The following SUGCT variants were observed in gnomAD, a reference collection of about 807,000 sequenced individuals.
SUGCT encodes succinyl-CoA:glutarate CoA-transferase.
SUGCT carries 41 observed loss-of-function variants against 55.0 expected under a neutral mutation model. The ratio of observed to expected loss-of-function variants is 0.74; its 90% CI spans 0.58 to 0.97. The LOEUF (loss-of-function observed/expected upper bound fraction) is 0.97, where lower values mean the gene tolerates loss of function less well. Ranked by LOEUF, SUGCT falls within the 50% of genes least tolerant of loss-of-function variation. The probability of loss-of-function intolerance (pLI) is 0.00; values close to 1 mark genes in which losing one functional copy is unlikely to be tolerated. For missense variants in SUGCT, 568 were observed against 547.8 expected, an observed-to-expected ratio of 1.04 and a Z score of -0.37; for synonymous variants, 187 against 200.4, an observed-to-expected ratio of 0.93 and a Z score of 0.56.
Position 40,729,818 on chromosome 7 carries a change from A to G in SUGCT, c.1090-19616A>G, listed in dbSNP as rs139146251. 6.1e-3 allele frequency among the ~76,000 whole-genome samples: 924 copies of G among 152,294 alleles called. 7 individuals are homozygous for G. The highest frequency in any genetic ancestry group is 9.8e-3 in the Non-Finnish European group (669 of 68,026). ...GAAAACACACGCCACTGCTAAAGAGAAGAGCTGCCTCTCAGCTCATGTAGG... is the reference window on the plus strand; with the variant it reads ...GAAAACACACGCCACTGCTAAAGAGGAGAGCTGCCTCTCAGCTCATGTAGG... On this transcript the variant is annotated intron_variant, in intron 12 of 13. Coordinates refer to ENST00000335693, the MANE Select transcript of SUGCT (RefSeq NM_001193313.2).
chr7:40,961,668 C>T, the SUGCT span, among the ~76,000 whole-genome samples: 1 of 152,080 alleles, frequency 6.6e-6, no homozygotes, highest in Non-Finnish European at 1.5e-5. Flanking sequence ...TGGTGAGTGT[C>T]ACAGTTCTTA....
the SUGCT span, among the ~76,000 whole-genome samples, chr7:41,014,857 C>T: frequency 6.6e-6 from 1 of 152,112 alleles, no homozygotes; most frequent in Admixed American, 6.5e-5. Flanking sequence ...AGGGGCCTGA[C>T]ATAGCATTTA....
chr7:40,292,035 G>C (rs1287133229), intron 8 of SUGCT, among the ~76,000 whole-genome samples: 1 of 152,172 alleles, frequency 6.6e-6, no homozygotes. Context: ...TGTCTTGTTA[G>C]AAGCCACTAA....
chr7:40,414,182 T>C (rs1786841596), intron 9 of SUGCT, among the ~76,000 whole-genome samples: 1 of 152,212 alleles, frequency 6.6e-6, no homozygotes, highest in Non-Finnish European at 1.5e-5. Context: ...TTATCTGCAG[T>C]TTTGCTTTCT....
At chr7:40,425,940 A>G (rs1583651508) in intron 9 of SUGCT, among the ~76,000 whole-genome samples, 1 of 152,166 alleles carries the variant, frequency 6.6e-6, no homozygotes, top group East Asian at 1.9e-4. Context: ...CCTCAACAGT[A>G]AATTTATAAT....
intron 12 of SUGCT, chr7:40,499,084 C>G (rs1562819731): frequency 4.4e-6 from 2 of 456,726 alleles, no homozygotes; most frequent in Non-Finnish European, 8.8e-6. Context: ...GAAACGGCCA[C>G]TTCTGTTCAG....
intron 9 of SUGCT, among the ~76,000 whole-genome samples, chr7:40,380,510 G>A (rs1397457832): frequency 6.6e-6 from 1 of 152,274 alleles, no homozygotes; most frequent in East Asian, 1.9e-4. Flanking sequence ...CCTCCTCCGA[G>A]TTGCTGTTTA....
chr7:40,704,838 C>G (rs141005265), intron 12 of SUGCT, among the ~76,000 whole-genome samples: 3 of 152,318 alleles, frequency 2.0e-5, no homozygotes, highest in Admixed American at 6.5e-5. Flanking sequence ...ATCCTCGTTT[C>G]ACAGACGGTA....
intron 12 of SUGCT, among the ~76,000 whole-genome samples, chr7:40,670,188 AAAAAAGAAG>A (rs1165495502): frequency 4.0e-5 from 6 of 149,700 alleles, no homozygotes; most frequent in East Asian, 3.9e-4. Flanking sequence ...AAAAAAAAAA[AAAAAAGAAG>A]AAGAAGAAGA....
intron 11 of SUGCT, among the ~76,000 whole-genome samples, chr7:40,494,763 A>T (rs1297332388): frequency 6.6e-6 from 1 of 152,248 alleles, no homozygotes; most frequent in Non-Finnish European, 1.5e-5. Flanking sequence ...GTAAAAACTT[A>T]TATGATTGAA....
intron 11 of SUGCT, among the ~76,000 whole-genome samples, chr7:40,484,966 A>T (rs1438168150): frequency 6.6e-6 from 1 of 152,036 alleles, no homozygotes. Context: ...GGTAACTTAA[A>T]TTTTCTAAAC....
chr7:40,366,922 C>T (rs553662247), intron 9 of SUGCT, among the ~76,000 whole-genome samples: 1 of 152,128 alleles, frequency 6.6e-6, no homozygotes, highest in Non-Finnish European at 1.5e-5. Context: ...TGGGTATATA[C>T]CCGAAGGACT....
chr7:40,401,514 C>A (rs1008960393), intron 9 of SUGCT, among the ~76,000 whole-genome samples: 5 of 152,102 alleles, frequency 3.3e-5, no homozygotes, highest in African/African-American at 7.2e-5. Flanking sequence ...TGTTAGGGCC[C>A]AAGCAGAGAA....
the SUGCT span, among the ~76,000 whole-genome samples, chr7:41,035,832 G>A: frequency 2.0e-5 from 3 of 152,268 alleles, no homozygotes; most frequent in East Asian, 1.9e-4. Context: ...CTGCACTGCC[G>A]ACACCTCACC....
At chr7:40,763,481 CT>C (rs567830879) in intron 13 of SUGCT, among the ~76,000 whole-genome samples, 279 of 152,288 alleles carry the variant, frequency 1.8e-3, no homozygotes, top group Non-Finnish European at 2.7e-3. Flanking sequence ...TTGATTATCA[CT>C]TTTATAAACT....
At chr7:40,308,376 ACTTAATCTCCTTGGTCTTTAGTTTTTT>A (rs1300398045) in intron 8 of SUGCT, among the ~76,000 whole-genome samples, 3 of 152,148 alleles carry the variant, frequency 2.0e-5, no homozygotes, top group Admixed American at 2.0e-4. Flanking sequence ...GTATTAACAT[ACTTAATCTCCTTGGTCTTTAGTTTTTT>A]CTTATAAAAT....
chr7:40,382,760 A>G (rs567397633), intron 9 of SUGCT, among the ~76,000 whole-genome samples: 38 of 152,302 alleles, frequency 2.5e-4, no homozygotes, highest in Admixed American at 3.9e-4. Context: ...TTCATTGAAT[A>G]TATACAATGA....
the SUGCT span, among the ~76,000 whole-genome samples, chr7:40,983,667 TTAAAG>T: frequency 1.3e-5 from 2 of 152,186 alleles, no homozygotes; most frequent in Admixed American, 1.3e-4. Flanking sequence ...TTTTTGTGAA[TTAAAG>T]TAAACAGTGC....
intron 12 of SUGCT, among the ~76,000 whole-genome samples, chr7:40,627,495 A>G (rs1446179494): frequency 6.6e-6 from 1 of 152,184 alleles, no homozygotes. Context: ...AAAGCAACCA[A>G]TCAGAGGCTA....
Sources: gnomAD v4.1 joint callset for allele counts (sites outside exome capture counted in the v4.1 genomes callset) on GRCh38, gnomAD v4.1.1 for gene constraint, MANE v1.5 for transcripts, NCBI Gene and HGNC (gene_info 2026-07-23, HGNC 2026-07-21) for gene names.